PCNX2: variants seen among roughly 807,000 people sequenced by gnomAD.
PCNX2 encodes the protein pecanex 2, also known as pecanex-like protein 2.
A neutral mutation model predicts 223.8 loss-of-function variants in PCNX2; 168 were observed. That is an observed-to-expected ratio of 0.75 (90% CI 0.66 to 0.85). PCNX2 has a LOEUF of 0.85. Ranked by LOEUF, PCNX2 falls within the 40% of genes least tolerant of loss-of-function variation. The pLI is 0.00. For missense variants in PCNX2, 2,507 were observed against 2,675.5 expected (o/e 0.94, Z 1.39); for synonymous variants, 1,006 against 1,052.6 (o/e 0.96, Z 0.86).
Position 233,200,272 on chromosome 1 carries a change from T to C in PCNX2, c.2864-8A>G. The C allele has an allele frequency of 6.5e-7, 1 of 1,539,694 alleles. No individual in the cohort carries two copies. The highest frequency in any genetic ancestry group is 2.4e-5 in the East Asian group (1 of 41,558). ...GGAAGCAATATAAAAATACTGAAAA[T>C]GAACAAACAAAATTGACGATAAGCA... On this transcript the variant is annotated splice_polypyrimidine_tract_variant and splice_region_variant and intron_variant, in intron 13 of 33. Coordinates refer to ENST00000258229, the MANE Select transcript of PCNX2 (RefSeq NM_014801.4).
intron 23 of PCNX2, 183 bp downstream of exon 23, chr1:233,089,878 C>T: frequency 7.3e-7 from 1 of 1,378,446 alleles, no homozygotes; most frequent in Non-Finnish European, 9.3e-7. Context: ...ATGTTCTTTC[C>T]AGATCCCTGA....
At chr1:233,120,196 AAAAAAG>A (rs201089406) in intron 21 of PCNX2, among the ~76,000 whole-genome samples, 1,748 of 142,096 alleles carry the variant, frequency 0.012, 35 homozygotes, top group African/African-American at 0.042. Context: ...AAATAAAAAG[AAAAAAG>A]AAAAAAAAAG....
At chr1:233,264,796 ATAC>A (rs1484181763) in intron 1 of PCNX2, among the ~76,000 whole-genome samples, 2 of 152,214 alleles carry the variant, frequency 1.3e-5, no homozygotes, top group African/African-American at 2.4e-5. Context: ...ATACGTTAAA[ATAC>A]TACTAATTTA....
chr1:233,137,218 G>C (rs1676858994), intron 20 of PCNX2, among the ~76,000 whole-genome samples: 2 of 152,202 alleles, frequency 1.3e-5, no homozygotes, highest in Non-Finnish European at 2.9e-5. Flanking sequence ...TTTCCTCTGA[G>C]TTCTCCGGTT....
At chr1:233,198,105 C>T (rs926638665) in intron 15 of PCNX2, among the ~76,000 whole-genome samples, 3 of 152,194 alleles carry the variant, frequency 2.0e-5, no homozygotes, top group East Asian at 1.9e-4. Flanking sequence ...CTACACAAAC[C>T]CCTGCCCTAA....
At chr1:233,260,825 T>C (rs1260599383) in intron 4 of PCNX2, among the ~76,000 whole-genome samples, 2 of 151,548 alleles carry the variant, frequency 1.3e-5, no homozygotes, top group East Asian at 1.9e-4. Context: ...AAAAAGTTAG[T>C]AAAAATGTAA....
At position 233,252,759 on chromosome 1, in the gene PCNX2, T is replaced by A. The variant is rs1558394003; in HGVS notation, c.1864A>T (p.Ile622Phe). The stretch of plus-strand genomic sequence containing the variant: ...CCACTGGGCTTTTCATTTTCCAGGA[T>A]TTCCTCCTTTTTTTCCTGGGAACAG... ...DNCSQEKKEE[I>F]LENEKPSGHS... The change falls in exon 6 of 34, where the codon ATC becomes TTC. Residue 622 changes from isoleucine (I) to phenylalanine (F), a missense_variant. By Grantham distance (21) the Ile-to-Phe change is conservative. Coordinates refer to ENST00000258229, the MANE Select transcript of PCNX2 (RefSeq NM_014801.4). 6.2e-7 allele frequency: 1 copy of A among 1,611,816 alleles called. No homozygotes were observed. Among genetic ancestry groups the A allele is most frequent in the Admixed American group, 1.7e-5 (1 of 59,718 alleles).
In PCNX2 at chr1:233,143,460, G is replaced by A. The variant is rs894644755; in HGVS notation, c.3518-3605C>T. Among the ~76,000 whole-genome samples, 5 of 152,194 alleles carry A rather than the reference G, an allele frequency of 3.3e-5. No homozygotes were observed. The South Asian group carries it at 1.0e-3, about 31-fold the overall frequency. On this transcript the variant is annotated intron_variant, in intron 19 of 33. Coordinates refer to ENST00000258229, the MANE Select transcript of PCNX2 (RefSeq NM_014801.4). ...CCTGGACCTCAGGGAATACTTTCAG[G>A]AACAGCAGAGCCAGCAGTACCAGCA...
At chr1:233,053,573 T>C (rs1672083350) in intron 25 of PCNX2, among the ~76,000 whole-genome samples, 1 of 152,192 alleles carries the variant, frequency 6.6e-6, no homozygotes. Flanking sequence ...ATCTCCAGTA[T>C]TGAAACACTG....
chr1:233,322,566 G>A, the PCNX2 span, among the ~76,000 whole-genome samples: 21 of 152,134 alleles, frequency 1.4e-4, no homozygotes, highest in South Asian at 4.2e-4. Flanking sequence ...CAGACACTTG[G>A]CACTCCTCTT....
chr1:233,170,547 T>G (rs1421062835), intron 17 of PCNX2, among the ~76,000 whole-genome samples: 2 of 152,226 alleles, frequency 1.3e-5, no homozygotes, highest in African/African-American at 4.8e-5. Context: ...ACTAGTCTCT[T>G]TTCTGTAAAA....
intron 1 of PCNX2, among the ~76,000 whole-genome samples, chr1:233,269,740 AC>A (rs1335548114): frequency 6.6e-6 from 1 of 152,186 alleles, no homozygotes; most frequent in Non-Finnish European, 1.5e-5. Flanking sequence ...CATAACACTC[AC>A]ACTCAAGTTT....
chr1:233,319,643 T>C, the PCNX2 span, among the ~76,000 whole-genome samples: 1 of 152,238 alleles, frequency 6.6e-6, no homozygotes, highest in Non-Finnish European at 1.5e-5. Flanking sequence ...ACAAAGGGTC[T>C]TATGCCCTCA....
At chr1:233,117,801 G>C (rs150668602) in intron 21 of PCNX2, among the ~76,000 whole-genome samples, 5 of 151,636 alleles carry the variant, frequency 3.3e-5, no homozygotes, top group Non-Finnish European at 7.4e-5. Context: ...ACGAGGTCAG[G>C]AGATCGAGAC....
In PCNX2 at chr1:232,991,517, C is replaced by T. The variant is rs1170801053; in HGVS notation, c.5792-4977G>A. Among the ~76,000 whole-genome samples the T allele has an allele frequency of 6.6e-6, 1 of 152,080 alleles. No homozygotes were observed. The highest frequency in any genetic ancestry group is 1.5e-5 in the Non-Finnish European group (1 of 68,020). On this transcript the variant is annotated intron_variant, in intron 32 of 33. Coordinates refer to ENST00000258229, the MANE Select transcript of PCNX2 (RefSeq NM_014801.4). This position sits in a 1 kb window ranked among gnomAD's most constrained non-coding sequence, Gnocchi z 4.3. The stretch of plus-strand genomic sequence containing the variant: ...GACTCCTCTGTTGAAGCCCTAACCC[C>T]CAGGACCTCAGGGTGGGGCCTTACT...
At chr1:233,265,883 T>C (rs963691622) in intron 1 of PCNX2, among the ~76,000 whole-genome samples, 13 of 152,200 alleles carry the variant, frequency 8.5e-5, no homozygotes, top group African/African-American at 2.9e-4. Flanking sequence ...TGCCCCAATA[T>C]TCAGAGAGAT....
In PCNX2 at chr1:232,986,537, C is replaced by T. The variant is rs2102774302; in HGVS notation, c.5795G>A (p.Arg1932Lys). ...CACGGACTGGCTCCTGCCTTTCCTCCTGCCTTTAAAAGAAAGCAGAACACA... is the reference window on the plus strand; with the variant it reads ...CACGGACTGGCTCCTGCCTTTCCTCTTGCCTTTAAAAGAAAGCAGAACACA... ...SSCEGTQRTG[R>K]RKGRSQSVQA... is the part of the protein sequence containing the mutation. Residue 1932 changes from arginine to lysine, a missense_variant, in exon 33 of 34, where the codon AGG becomes AAG. Arg to Lys is a conservative substitution (Grantham distance 26, BLOSUM62 2). This residue lies in a region of PCNX2 where 1,372 missense variants were observed against 1,509.4 expected (regional missense o/e 0.91). Transcript: ENST00000258229. The T allele has an allele frequency of 6.6e-7, 1 of 1,520,880 alleles. No homozygotes were observed. Among genetic ancestry groups the T allele is most frequent in the Non-Finnish European group, 8.8e-7 (1 of 1,134,662 alleles). The allele number at this position is 1,520,880 out of a possible 1,614,324, so 94.2% of individuals were successfully genotyped here.
chr1:233,175,902 G>T (rs566617061), intron 17 of PCNX2, among the ~76,000 whole-genome samples: 30 of 152,286 alleles, frequency 2.0e-4, no homozygotes, highest in African/African-American at 7.2e-4. Context: ...AGCTGAGTAT[G>T]AATTTTTTTA....
the PCNX2 span, among the ~76,000 whole-genome samples, chr1:233,325,159 A>G: frequency 2.0e-5 from 3 of 152,316 alleles, no homozygotes; most frequent in Non-Finnish European, 4.4e-5. Context: ...TTGCTCTGCT[A>G]TGAGATATGG....
Sources: allele counts gnomAD v4.1 joint callset (sites outside exome capture counted in the v4.1 genomes callset), GRCh38; gene constraint gnomAD v4.1.1; regional missense constraint gnomAD v4.1.1; non-coding constraint Gnocchi (gnomAD v3.1); transcripts MANE v1.5; gene names NCBI Gene and HGNC (gene_info 2026-07-23, HGNC 2026-07-21).